The following CFAP54 variants were observed in gnomAD, a reference collection of about 807,000 sequenced individuals.
CFAP54 encodes cilia- and flagella-associated protein 54.
CFAP54 carries 290 observed loss-of-function variants against 370.4 expected under a neutral mutation model. The observed-to-expected ratio is 0.78, with a 90% confidence interval of 0.71 to 0.86. The LOEUF is 0.86. Ranked by LOEUF, CFAP54 falls within the 40% of genes least tolerant of loss-of-function variation. The pLI is 0.00. For synonymous variants in CFAP54, 1,206 were observed against 1,236.5 expected (o/e 0.98, Z 0.52); for missense variants, 3,399 against 3,528.7 (o/e 0.96, Z 0.93).
At chr12:96,527,693 C>T (rs1387103771) in intron 9 of CFAP54, among the ~76,000 whole-genome samples, 2 of 151,976 alleles carry the variant, frequency 1.3e-5, no homozygotes, top group Non-Finnish European at 2.9e-5. Flanking sequence ...CTTAGCCTCC[C>T]AAGTAGCTGG....
At chr12:96,718,079 G>A (rs11108650) in intron 48 of CFAP54, among the ~76,000 whole-genome samples, 13,088 of 152,166 alleles carry the variant, frequency 0.086, 808 homozygotes, top group South Asian at 0.28. Flanking sequence ...TAGAATTAGG[G>A]TGGGTGCAGT....
chr12:96,498,294 C>CA (rs1954981970), intron 1 of CFAP54, among the ~76,000 whole-genome samples: 1 of 152,238 alleles, frequency 6.6e-6, no homozygotes, highest in African/African-American at 2.4e-5. Context: ...AATCTAGACA[C>CA]AGACTGTACG....
chr12:96,827,983 T>G (rs1471254706), intron 65 of CFAP54, among the ~76,000 whole-genome samples: 1 of 106,646 alleles, frequency 9.4e-6, no homozygotes, highest in Non-Finnish European at 1.8e-5. Context: ...TATATTATAT[T>G]ATATATAGTT....
At chr12:96,582,619 G>A (rs573864554) in intron 22 of CFAP54, among the ~76,000 whole-genome samples, 120 of 152,230 alleles carry the variant, frequency 7.9e-4, no homozygotes, top group African/African-American at 2.6e-3. Flanking sequence ...GAGTTATTGT[G>A]AGGAACTGAA....
At chr12:96,621,201 A>G (rs557365584) in intron 26 of CFAP54, among the ~76,000 whole-genome samples, 20 of 152,334 alleles carry the variant, frequency 1.3e-4, no homozygotes, top group African/African-American at 4.8e-4. Flanking sequence ...GCCATTTCCT[A>G]TAGAAAGCAA....
chr12:96,599,849 G>A (rs568595998), intron 26 of CFAP54, among the ~76,000 whole-genome samples: 2 of 152,182 alleles, frequency 1.3e-5, no homozygotes, highest in Admixed American at 6.5e-5. Context: ...ACTTTTTGGG[G>A]TTGTTTGTTT....
intron 36 of CFAP54, among the ~76,000 whole-genome samples, chr12:96,656,529 G>C (rs4762314): frequency 6.6e-6 from 1 of 152,058 alleles, no homozygotes; most frequent in African/African-American, 2.4e-5. Context: ...TTACAGGCAT[G>C]CGCCACCACA....
At chr12:96,638,290 G>A (rs1038842652) in intron 32 of CFAP54, among the ~76,000 whole-genome samples, 2 of 150,326 alleles carry the variant, frequency 1.3e-5, no homozygotes, top group Middle Eastern at 3.2e-3. Context: ...CTGGAGTGCA[G>A]TGGTACCATC....
intron 63 of CFAP54, among the ~76,000 whole-genome samples, chr12:96,803,976 C>T (rs1958850891): frequency 1.3e-5 from 2 of 151,394 alleles, no homozygotes; most frequent in African/African-American, 4.9e-5. Context: ...AATCTGAAAA[C>T]CAATACAAAG....
At chr12:96,497,032 C>A (rs1191401440) in intron 1 of CFAP54, among the ~76,000 whole-genome samples, 4 of 152,100 alleles carry the variant, frequency 2.6e-5, no homozygotes, top group African/African-American at 4.8e-5. Flanking sequence ...GTTTTCTTCC[C>A]AATCCTTTAT....
At chr12:96,645,471 C>T (rs1332815783) in intron 33 of CFAP54, 1 of 178,390 alleles carries the variant, frequency 5.6e-6, no homozygotes, top group Non-Finnish European at 1.2e-5. Flanking sequence ...AGTGGAAGAA[C>T]ATTCCATGCT....
chr12:96,661,589 CT>C (rs1956995129), intron 38 of CFAP54, among the ~76,000 whole-genome samples: 2 of 152,188 alleles, frequency 1.3e-5, no homozygotes, highest in South Asian at 4.1e-4. Context: ...GAAGCAGCTG[CT>C]GCTGGTGTTT....
intron 39 of CFAP54, among the ~76,000 whole-genome samples, chr12:96,677,304 A>G (rs931920483): frequency 6.6e-6 from 1 of 152,088 alleles, no homozygotes; most frequent in Non-Finnish European, 1.5e-5. Context: ...GAGCCACAGC[A>G]CCTGATGAGA....
chr12:96,835,481 A>G (rs1959183226), intron 66 of CFAP54, among the ~76,000 whole-genome samples: 1 of 152,088 alleles, frequency 6.6e-6, no homozygotes, highest in Admixed American at 6.5e-5. Flanking sequence ...CTGGCCTGAA[A>G]GTGGGACCTT....
intron 19 of CFAP54, among the ~76,000 whole-genome samples, chr12:96,572,363 G>C (rs184248898): frequency 6.6e-6 from 1 of 151,980 alleles, no homozygotes; most frequent in Non-Finnish European, 1.5e-5. Context: ...AGAAGAGGAC[G>C]TGAGATGCTC....
intron 60 of CFAP54, among the ~76,000 whole-genome samples, chr12:96,781,841 A>G (rs1339322600): frequency 6.6e-6 from 1 of 152,186 alleles, no homozygotes; most frequent in Non-Finnish European, 1.5e-5. Flanking sequence ...GTTTAAGAAA[A>G]TGGTATAAGG....
chr12:96,604,531 C>T (rs1956280772), intron 26 of CFAP54, among the ~76,000 whole-genome samples: 1 of 152,248 alleles, frequency 6.6e-6, no homozygotes, highest in Non-Finnish European at 1.5e-5. Flanking sequence ...AAGCTGTCTG[C>T]TGCCTTTTAT....
intron 21 of CFAP54, 97 bp downstream of exon 21, chr12:96,580,786 C>A: frequency 9.1e-7 from 1 of 1,097,878 alleles, no homozygotes; most frequent in Non-Finnish European, 1.2e-6. Context: ...CTCTAATTTC[C>A]ACCTGAATCA....
chr12:96,762,799 A>T (rs1029639229), intron 58 of CFAP54, among the ~76,000 whole-genome samples: 5 of 151,842 alleles, frequency 3.3e-5, no homozygotes, highest in African/African-American at 1.2e-4. Flanking sequence ...TTATCTTGGA[A>T]TGGGGTTATA....
Sources: allele counts gnomAD v4.1 joint callset (sites outside exome capture counted in the v4.1 genomes callset), GRCh38; gene constraint gnomAD v4.1.1; transcripts MANE v1.5; gene names NCBI Gene and HGNC (gene_info 2026-07-23, HGNC 2026-07-21).